The following HCRTR2 variants were observed in gnomAD, a reference collection of about 807,000 sequenced individuals.
HCRTR2 encodes the protein hypocretin receptor 2.
A neutral mutation model predicts 49.0 loss-of-function variants in HCRTR2; 22 were observed. That is an observed-to-expected ratio of 0.45 (90% confidence interval 0.32 to 0.64). HCRTR2 has a LOEUF of 0.64. Ranked by LOEUF, HCRTR2 falls within the 30% of genes least tolerant of loss-of-function variation. The pLI is 0.04. For synonymous variants in HCRTR2, 236 were observed against 205.3 expected, an observed-to-expected ratio of 1.15 and a Z score of -1.28; for missense variants, 491 against 559.4, an observed-to-expected ratio of 0.88 and a Z score of 1.23.
At chr6:55,264,886 T>C (rs534404589) in intron 4 of HCRTR2, among the ~76,000 whole-genome samples, 36 of 152,240 alleles carry the variant, frequency 2.4e-4, no homozygotes, top group Non-Finnish European at 4.4e-4. Context: ...TCACCTTAAT[T>C]CATTAAAAAG....
intron 1 of HCRTR2, among the ~76,000 whole-genome samples, chr6:55,230,883 A>T (rs1056262397): frequency 6.6e-6 from 1 of 151,828 alleles, no homozygotes; most frequent in African/African-American, 2.4e-5. Context: ...AGCCAATAAG[A>T]CCAAGGTTCA....
At chr6:55,110,235 C>A (rs1764030635) in intron 1 of HCRTR2, among the ~76,000 whole-genome samples, 1 of 152,050 alleles carries the variant, frequency 6.6e-6, no homozygotes, top group African/African-American at 2.4e-5. Flanking sequence ...TCCTGAAACA[C>A]AAACCTCAAA....
intron 1 of HCRTR2, among the ~76,000 whole-genome samples, chr6:55,184,927 A>G (rs536207834): frequency 7.9e-5 from 12 of 152,178 alleles, no homozygotes; most frequent in Non-Finnish European, 1.6e-4. Flanking sequence ...TCAATTCGGA[A>G]TGAATTTGAT....
chr6:55,233,705 C>CAAAT, intron 1 of HCRTR2, among the ~76,000 whole-genome samples: 1 of 151,766 alleles, frequency 6.6e-6, no homozygotes, highest in Non-Finnish European at 1.5e-5. Flanking sequence ...TAAAGAATAA[C>CAAAT]AAATAAATAA....
intron 3 of HCRTR2, 22 bp downstream of exon 3, chr6:55,255,401 A>G: frequency 6.2e-7 from 1 of 1,613,634 alleles, no homozygotes; most frequent in Non-Finnish European, 8.5e-7. Flanking sequence ...ATGGCCCATC[A>G]ACTGACATTT....
intron 1 of HCRTR2, among the ~76,000 whole-genome samples, chr6:55,208,759 C>A (rs1295912988): frequency 1.3e-5 from 2 of 152,092 alleles, no homozygotes; most frequent in African/African-American, 4.8e-5. Flanking sequence ...TAATGTAATG[C>A]AGCCATGATT....
intron 6 of HCRTR2, 103 bp downstream of exon 6, chr6:55,280,547 G>T (rs1767170497): frequency 7.3e-6 from 11 of 1,506,546 alleles, no homozygotes; most frequent in Non-Finnish European, 9.9e-6. Context: ...TATGTGAGTT[G>T]TATTTTTTCC....
At chr6:55,239,619 G>A (rs1379526024) in intron 1 of HCRTR2, among the ~76,000 whole-genome samples, 1 of 152,104 alleles carries the variant, frequency 6.6e-6, no homozygotes, top group Non-Finnish European at 1.5e-5. Flanking sequence ...ACCATTGGTT[G>A]ACAAAAGTGA....
intron 1 of HCRTR2, among the ~76,000 whole-genome samples, chr6:55,123,222 G>A (rs960985539): frequency 1.3e-5 from 2 of 152,004 alleles, no homozygotes; most frequent in African/African-American, 4.8e-5. Context: ...CAAAGGGAAT[G>A]CTTCCAGGTT....
upstream of HCRTR2, among the ~76,000 whole-genome samples, chr6:55,171,168 C>T (rs1764944530): frequency 6.6e-6 from 1 of 152,172 alleles, no homozygotes; most frequent in Non-Finnish European, 1.5e-5. Context: ...CTCTCTTCCA[C>T]AATGATTGAA....
chr6:55,160,592 T>A (rs1307419074), intron 1 of HCRTR2, among the ~76,000 whole-genome samples: 1 of 152,154 alleles, frequency 6.6e-6, no homozygotes, highest in South Asian at 2.1e-4. Flanking sequence ...AGGAGTCCAA[T>A]TCATGTGCAA....
chr6:55,226,721 T>G (rs1415474049), intron 1 of HCRTR2, among the ~76,000 whole-genome samples: 4 of 134,930 alleles, frequency 3.0e-5, no homozygotes, highest in Non-Finnish European at 6.3e-5. Flanking sequence ...GTTTTTTTTT[T>G]TTTTTTTTTT....
At chr6:55,119,897 G>A (rs1001839662) in intron 1 of HCRTR2, among the ~76,000 whole-genome samples, 8 of 151,990 alleles carry the variant, frequency 5.3e-5, no homozygotes, top group Non-Finnish European at 1.0e-4. Flanking sequence ...GATTTTTATG[G>A]TTTTAGGTCT....
At chr6:55,211,648 C>T (rs1765698167) in intron 1 of HCRTR2, among the ~76,000 whole-genome samples, 1 of 152,146 alleles carries the variant, frequency 6.6e-6, no homozygotes, top group South Asian at 2.1e-4. Context: ...TCCTTTTCAA[C>T]TGTGCCCTCT....
chr6:55,233,404 A>G (rs1766154311), intron 1 of HCRTR2, among the ~76,000 whole-genome samples: 1 of 152,066 alleles, frequency 6.6e-6, no homozygotes, highest in Admixed American at 6.6e-5. Context: ...GCTGGTTTTT[A>G]AAAGGGATCA....
At chr6:55,233,902 A>G (rs1766164751) in intron 1 of HCRTR2, among the ~76,000 whole-genome samples, 5 of 152,238 alleles carry the variant, frequency 3.3e-5, no homozygotes, top group Admixed American at 2.0e-4. Context: ...ATACATTACT[A>G]TAAAATGTAA....
chr6:55,272,072 G>A (rs528176714), intron 4 of HCRTR2, among the ~76,000 whole-genome samples: 1 of 152,174 alleles, frequency 6.6e-6, no homozygotes, highest in African/African-American at 2.4e-5. Context: ...GTTCATAACA[G>A]CATATAATTC....
chr6:55,153,963 T>C (rs1043307785), intron 1 of HCRTR2, among the ~76,000 whole-genome samples: 3 of 151,600 alleles, frequency 2.0e-5, no homozygotes, highest in African/African-American at 7.3e-5. Flanking sequence ...ACAATTGATG[T>C]TAACAAAAAG....
downstream of HCRTR2, among the ~76,000 whole-genome samples, chr6:55,283,317 A>G (rs999463766): frequency 6.6e-5 from 10 of 152,230 alleles, no homozygotes; most frequent in Admixed American, 6.5e-4. Context: ...AGACATGTTG[A>G]CAGAGTGCAA....
Sources: gnomAD v4.1 joint callset for allele counts (sites outside exome capture counted in the v4.1 genomes callset) on GRCh38, gnomAD v4.1.1 for gene constraint, MANE v1.5 for transcripts, NCBI Gene and HGNC (gene_info 2026-07-23, HGNC 2026-07-21) for gene names.